Variants in ARFGEF3 observed in about 807,000 individuals in gnomAD.
ARFGEF3 encodes brefeldin A-inhibited guanine nucleotide-exchange protein 3.
Under a neutral mutation model 221.7 loss-of-function variants are expected in ARFGEF3, and 96 were observed. The observed-to-expected ratio is 0.43, with a 90% confidence interval of 0.37 to 0.51. The LOEUF is 0.51. ARFGEF3 is among the 20% of genes least tolerant of loss of function. The probability of loss-of-function intolerance (pLI) is 0.00; values close to 1 mark genes in which losing one functional copy is unlikely to be tolerated. For synonymous variants in ARFGEF3, 1,145 were observed against 1,126.8 expected (o/e 1.02, Z -0.32); for missense variants, 2,410 against 2,789.9 (o/e 0.86, Z 3.07).
chr6:138,323,631 AC>A (rs775666306), intron 29 of ARFGEF3, 39 bp from the exon 30 acceptor site: 21 of 1,564,520 alleles, frequency 1.3e-5, no homozygotes, highest in East Asian at 9.0e-5. Flanking sequence ...AACAACAACA[AC>A]AACAAAAAAA....
rs184745300 is a variant in ARFGEF3 at position 138,242,735 on chromosome 6, C to T, written c.544-217C>T. ...AAACGTGACTGAATTATTTTGGGAACTGATAAGCTCAATTCCAGAGATCAT... is the reference window on the plus strand; with the variant it reads ...AAACGTGACTGAATTATTTTGGGAATTGATAAGCTCAATTCCAGAGATCAT... On this transcript the variant is annotated intron_variant, in intron 6 of 33. Transcript: ENST00000251691. 4.7e-4 allele frequency among the ~76,000 whole-genome samples: 71 copies of T among 152,294 alleles called. No individual in the cohort carries two copies. In the East Asian group the frequency reaches 0.012, roughly 26 times the overall value.
intron 31 of ARFGEF3, 100 bp downstream of exon 31, chr6:138,324,254 C>A: frequency 1.4e-6 from 2 of 1,395,472 alleles, no homozygotes; most frequent in Non-Finnish European, 2.0e-6. Context: ...GCCTTTCATT[C>A]CCTGAGGGAC....
chr6:138,190,116 G>A (rs1777270659), intron 2 of ARFGEF3, among the ~76,000 whole-genome samples: 1 of 139,084 alleles, frequency 7.2e-6, no homozygotes, highest in Non-Finnish European at 1.6e-5. Flanking sequence ...AATAAAAAGA[G>A]TAGCATGCCA....
intron 18 of ARFGEF3, among the ~76,000 whole-genome samples, chr6:138,290,800 C>T (rs1176962930): frequency 1.3e-5 from 2 of 152,186 alleles, no homozygotes; most frequent in Admixed American, 6.5e-5. Flanking sequence ...TGGCCAATGG[C>T]CCAGGGCACC....
In ARFGEF3 at chr6:138,162,354, C is replaced by T. The variant is rs140234006; in HGVS notation, c.85+183C>T. Among the ~76,000 whole-genome samples, 855 of 152,330 alleles carry T rather than the reference C, an allele frequency of 5.6e-3. 7 individuals are homozygous for T. Among genetic ancestry groups the T allele is most frequent in the African/African-American group, 0.02 (830 of 41,584 alleles). On this transcript the variant is annotated intron_variant, in intron 1 of 33. Transcript: ENST00000251691. The surrounding 1 kb of genome is among the most constrained non-coding windows in gnomAD (Gnocchi z 4.7). ...TTGGCTCGGGCGTGGACATCAGCCG[C>T]CTCCCCTCCGGTCTCTTTCACTCTC...
chr6:138,279,025 T>C (rs561294983), intron 13 of ARFGEF3, among the ~76,000 whole-genome samples: 1 of 152,224 alleles, frequency 6.6e-6, no homozygotes, highest in East Asian at 1.9e-4. Flanking sequence ...TTTTTCTTTT[T>C]TTTGAGACAG....
chr6:138,173,235 A>T (rs1195800068), intron 2 of ARFGEF3, among the ~76,000 whole-genome samples: 1 of 152,220 alleles, frequency 6.6e-6, no homozygotes, highest in Non-Finnish European at 1.5e-5. Context: ...TTAATTAAAA[A>T]TTTTAATAAT....
intron 14 of ARFGEF3, among the ~76,000 whole-genome samples, chr6:138,280,910 C>A (rs2114619919): frequency 6.7e-6 from 1 of 150,092 alleles, no homozygotes; most frequent in South Asian, 2.1e-4. Context: ...CTTCCCTTCC[C>A]AGCTGTACCA....
chr6:138,319,400 A>G (rs1382046194), intron 27 of ARFGEF3, among the ~76,000 whole-genome samples: 1 of 152,050 alleles, frequency 6.6e-6, no homozygotes, highest in Non-Finnish European at 1.5e-5. Context: ...TTATACACAC[A>G]TGTGTATTTG....
At chr6:138,320,219 C>G (rs1779998903) in intron 28 of ARFGEF3, among the ~76,000 whole-genome samples, 1 of 152,168 alleles carries the variant, frequency 6.6e-6, no homozygotes, top group South Asian at 2.1e-4. Context: ...GCAGCAATAT[C>G]CCCGTAGCCT....
At chr6:138,184,029 A>G (rs2114453667) in intron 2 of ARFGEF3, among the ~76,000 whole-genome samples, 1 of 152,308 alleles carries the variant, frequency 6.6e-6, no homozygotes, top group South Asian at 2.1e-4. Flanking sequence ...TGCGTTACTG[A>G]TGTGGACTGA....
intron 20 of ARFGEF3, among the ~76,000 whole-genome samples, chr6:138,296,585 C>T (rs532733704): frequency 9.7e-4 from 148 of 152,246 alleles, no homozygotes; most frequent in Non-Finnish European, 1.8e-3. Flanking sequence ...ATACCTGTCA[C>T]GTCCCAGGTA....
At chr6:138,320,745 A>G (rs763146876) in intron 28 of ARFGEF3, among the ~76,000 whole-genome samples, 32 of 152,326 alleles carry the variant, frequency 2.1e-4, no homozygotes, top group Non-Finnish European at 4.1e-4. Context: ...GTTTTTCCAC[A>G]TGTAGGTGGT....
intron 4 of ARFGEF3, among the ~76,000 whole-genome samples, chr6:138,222,111 AG>A (rs1351875932): frequency 3.9e-5 from 6 of 152,200 alleles, no homozygotes; most frequent in Non-Finnish European, 1.5e-5. Flanking sequence ...TGGAAGTCCT[AG>A]ATTCTAGCTG....
intron 6 of ARFGEF3, among the ~76,000 whole-genome samples, chr6:138,239,209 G>A (rs1366954787): frequency 2.0e-5 from 3 of 152,086 alleles, no homozygotes; most frequent in African/African-American, 4.8e-5. Context: ...TTATCTTCTG[G>A]GAATGTTAAT....
chr6:138,195,655 A>C lies in ARFGEF3; in HGVS notation c.138-11387A>C, dbSNP rs1019220109. 3.3e-5 allele frequency among the ~76,000 whole-genome samples: 5 copies of C among 152,376 alleles called. No homozygotes were observed. In the East Asian group the frequency reaches 5.8e-4, roughly 18 times the overall value. The stretch of plus-strand genomic sequence containing the variant: ...TTGTTTAACCTCAGTTACATTATAC[A>C]TAAAGATACAGTAAACATCTTTACA... On this transcript the variant is annotated intron_variant, in intron 2 of 33. Coordinates refer to ENST00000251691, the MANE Select transcript of ARFGEF3 (RefSeq NM_020340.5).
chr6:138,315,095 T>A (rs755776262), intron 26 of ARFGEF3, among the ~76,000 whole-genome samples: 6 of 152,226 alleles, frequency 3.9e-5, no homozygotes, highest in Non-Finnish European at 5.9e-5. Flanking sequence ...CTGATAATTG[T>A]CTTTTAGTAT....
At chr6:138,165,709 C>T (rs1776711530) in intron 1 of ARFGEF3, among the ~76,000 whole-genome samples, 1 of 152,122 alleles carries the variant, frequency 6.6e-6, no homozygotes, top group Admixed American at 6.5e-5. Context: ...GGTCACTCCC[C>T]ACTGAGACAC....
Position 138,338,111 on chromosome 6 carries a change from T to C in ARFGEF3, c.*1625T>C, listed in dbSNP as rs1467848061. 1 of 152,226 alleles carries C rather than the reference T, an allele frequency of 6.6e-6. No homozygotes were observed. The highest frequency in any genetic ancestry group is 1.5e-5 in the Non-Finnish European group (1 of 68,040). 9.4% of individuals were successfully genotyped at this position (152,226 alleles called of 1,614,324 possible). A position where few individuals can be genotyped will look rare whatever the true frequency, so the allele number is the denominator to read the frequency against. On this transcript the variant is annotated 3_prime_UTR_variant, in exon 34 of 34. Coordinates refer to ENST00000251691, the MANE Select transcript of ARFGEF3 (RefSeq NM_020340.5). The stretch of plus-strand genomic sequence containing the variant: ...GAGATCACCACAGAATCCATTTTTT[T>C]CCCAGTTCCACAAAACACTCTGTTT...
Sources: allele counts gnomAD v4.1 joint callset (sites outside exome capture counted in the v4.1 genomes callset), GRCh38; gene constraint gnomAD v4.1.1; non-coding constraint Gnocchi (gnomAD v3.1); transcripts MANE v1.5; gene names NCBI Gene and HGNC (gene_info 2026-07-23, HGNC 2026-07-21).